Variants in ADGRL2 observed in about 807,000 individuals in gnomAD.
The protein encoded by ADGRL2 is calcium-independent alpha-latrotoxin receptor 2.
A neutral mutation model predicts 157.4 loss-of-function variants in ADGRL2; 44 were observed. The observed-to-expected ratio is 0.28, with a 90% CI of 0.22 to 0.36. ADGRL2 has a LOEUF of 0.36. Among genes scored for constraint, ADGRL2 ranks in the 10% least tolerant of loss-of-function variants. The pLI is 1.00. For missense variants in ADGRL2, 1,510 were observed against 1,768.9 expected (o/e 0.85, Z 2.63); for synonymous variants, 585 against 624.7 (o/e 0.94, Z 0.95).
intron 2 of ADGRL2, among the ~76,000 whole-genome samples, chr1:81,549,031 A>G (rs563642313): frequency 7.0e-4 from 106 of 152,364 alleles, no homozygotes; most frequent in African/African-American, 2.5e-3. Context: ...GCAACTTTCA[A>G]GTAAATCAAG....
At chr1:81,718,395 T>G (rs2084187184) in intron 1 of ADGRL2, among the ~76,000 whole-genome samples, 1 of 152,154 alleles carries the variant, frequency 6.6e-6, no homozygotes. Flanking sequence ...TATGATGATC[T>G]GTTTGTAGTT....
intron 3 of ADGRL2, among the ~76,000 whole-genome samples, chr1:81,912,561 T>C (rs1293553859): frequency 6.6e-5 from 10 of 152,038 alleles, no homozygotes. Flanking sequence ...AACATAAAGT[T>C]GAATAGTTGC....
rs538793657 is a variant in ADGRL2 at position 81,385,632 on chromosome 1, C to G, written c.-301-59404C>G. Among the ~76,000 whole-genome samples the G allele has an allele frequency of 1.6e-4, 24 of 150,420 alleles. No homozygotes were observed. In the South Asian group the frequency reaches 4.4e-3, roughly 28 times the overall value. The stretch of plus-strand genomic sequence containing the variant: ...AAATCCTAGATAATATTTAATGAAA[C>G]TGGAATCCCTGCCCTGGAATAAAAG... On this transcript the variant is annotated intron_variant, in intron 1 of 24. Transcript: ENST00000370721.
chr1:81,966,693 GA>G, intron 13 of ADGRL2, 84 bp downstream of exon 13: 2 of 1,185,162 alleles, frequency 1.7e-6, no homozygotes, highest in Non-Finnish European at 2.5e-6. Context: ...TGGGGATGGG[GA>G]GAGAACTGGG....
chr1:81,819,270 C>T (rs1034466719), intron 1 of ADGRL2, among the ~76,000 whole-genome samples: 5 of 151,974 alleles, frequency 3.3e-5, no homozygotes, highest in South Asian at 4.1e-4. Context: ...TGATTGAATG[C>T]GAGGTAAAGG....
At chr1:81,534,423 A>G (rs2079683152) in intron 2 of ADGRL2, among the ~76,000 whole-genome samples, 2 of 152,184 alleles carry the variant, frequency 1.3e-5, no homozygotes, top group Non-Finnish European at 2.9e-5. Context: ...TGGCCTCCCA[A>G]AGTGCTGGGG....
intron 2 of ADGRL2, among the ~76,000 whole-genome samples, chr1:81,489,505 A>G (rs1033198939): frequency 1.3e-5 from 2 of 152,198 alleles, no homozygotes; most frequent in Non-Finnish European, 1.5e-5. Flanking sequence ...CACACTGTGG[A>G]AGTCCCAGAA....
chr1:81,814,998 C>T (rs697989), intron 1 of ADGRL2, among the ~76,000 whole-genome samples: 144,566 of 151,700 alleles, frequency 0.95, 69,239 homozygotes, highest in East Asian at 1. Flanking sequence ...AGAACAAAAA[C>T]ACTCATGCTT....
chr1:81,506,757 A>C (rs11163319), intron 2 of ADGRL2, among the ~76,000 whole-genome samples: 12,561 of 131,658 alleles, frequency 0.095, 1,484 homozygotes, highest in African/African-American at 0.31. Context: ...CAAAACAAAA[A>C]ACCAGACAAT....
At chr1:81,555,489 A>G (rs12087506) in intron 2 of ADGRL2, among the ~76,000 whole-genome samples, 6,858 of 152,022 alleles carry the variant, frequency 0.045, 196 homozygotes, top group African/African-American at 0.077. Context: ...GTCTGGTCTC[A>G]AACTCTTGGT....
At chr1:81,312,507 A>G (rs945296920) in intron 1 of ADGRL2, among the ~76,000 whole-genome samples, 1 of 152,218 alleles carries the variant, frequency 6.6e-6, no homozygotes, top group Non-Finnish European at 1.5e-5. Flanking sequence ...CCCAGGGGAA[A>G]GGTCCCAGTT....
intron 1 of ADGRL2, among the ~76,000 whole-genome samples, chr1:81,308,925 C>T (rs1364875839): frequency 1.3e-5 from 2 of 152,128 alleles, no homozygotes; most frequent in Non-Finnish European, 2.9e-5. Context: ...TTTTAGTGTG[C>T]CTTGCAGCAG....
chr1:81,730,480 AG>A (rs1215392068), intron 1 of ADGRL2, among the ~76,000 whole-genome samples: 1 of 152,136 alleles, frequency 6.6e-6, no homozygotes, highest in Non-Finnish European at 1.5e-5. Context: ...TGTAATCTCT[AG>A]GGAGGCCGAG....
At chr1:81,967,959 T>C in intron 13 of ADGRL2, 67 bp from the exon 14 acceptor site, 4 of 1,293,948 alleles carry the variant, frequency 3.1e-6, no homozygotes, top group Non-Finnish European at 4.5e-6. Flanking sequence ...TTTATACATA[T>C]TAAACAATTG....
At chr1:81,440,377 G>A (rs560344143) in intron 1 of ADGRL2, among the ~76,000 whole-genome samples, 1 of 152,278 alleles carries the variant, frequency 6.6e-6, no homozygotes, top group Admixed American at 6.5e-5. Flanking sequence ...GCTCTGTGAA[G>A]GATGATTGTG....
At chr1:81,824,979 C>CTCTCTG (rs1553162253) in intron 1 of ADGRL2, among the ~76,000 whole-genome samples, 2 of 151,686 alleles carry the variant, frequency 1.3e-5, no homozygotes, top group Admixed American at 1.3e-4. Context: ...CTCTCTCTCT[C>CTCTCTG]TCTGTCTTTC....
chr1:81,727,855 A>G (rs559592742), intron 1 of ADGRL2, among the ~76,000 whole-genome samples: 2 of 152,136 alleles, frequency 1.3e-5, no homozygotes, highest in East Asian at 3.9e-4. Flanking sequence ...ACTCTTAGGT[A>G]AAAAGGTTAT....
intron 1 of ADGRL2, among the ~76,000 whole-genome samples, chr1:81,423,902 C>T (rs2077168064): frequency 6.6e-6 from 1 of 152,142 alleles, no homozygotes; most frequent in Non-Finnish European, 1.5e-5. Context: ...AATGAAAGAA[C>T]TGACCAATCT....
intron 2 of ADGRL2, among the ~76,000 whole-genome samples, chr1:81,849,675 C>T (rs571374151): frequency 1.3e-5 from 2 of 151,764 alleles, no homozygotes; most frequent in South Asian, 2.1e-4. Flanking sequence ...TCTTTTAGGA[C>T]GATTGACTTT....
Sources: allele counts gnomAD v4.1 joint callset (sites outside exome capture counted in the v4.1 genomes callset), GRCh38; gene constraint gnomAD v4.1.1; transcripts MANE v1.5; gene names NCBI Gene and HGNC (gene_info 2026-07-23, HGNC 2026-07-21).